NID1: variants seen among roughly 807,000 people sequenced by gnomAD.
The protein encoded by NID1 is nidogen-1.
NID1 carries 76 observed loss-of-function variants against 130.6 expected under a neutral mutation model. The ratio of observed to expected loss-of-function variants is 0.58; its 90% confidence interval spans 0.48 to 0.70. The LOEUF is 0.70. Among genes scored for constraint, NID1 ranks in the 30% least tolerant of loss-of-function variants. NID1 has a pLI of 0.00. For missense variants in NID1, 1,517 were observed against 1,664.8 expected (o/e 0.91, Z 1.54); for synonymous variants, 665 against 675.1 (o/e 0.98, Z 0.23).
chr1:235,998,078 C>T (rs1396265987), intron 12 of NID1, among the ~76,000 whole-genome samples: 1 of 152,140 alleles, frequency 6.6e-6, no homozygotes, highest in East Asian at 1.9e-4. Flanking sequence ...GAGCTCTGCA[C>T]CCAGATGTTC....
intron 16 of NID1, 80 bp downstream of exon 16, chr1:235,981,531 G>T: frequency 6.8e-7 from 1 of 1,462,368 alleles, no homozygotes; most frequent in Non-Finnish European, 9.3e-7. Flanking sequence ...CAATGCTGGA[G>T]TTAAAGCCTC....
At chr1:235,984,124 T>C (rs1657510178) in intron 15 of NID1, among the ~76,000 whole-genome samples, 1 of 152,242 alleles carries the variant, frequency 6.6e-6, no homozygotes, top group African/African-American at 2.4e-5. Context: ...TGGATGGTTA[T>C]GAGCTCCAAA....
At position 235,980,001 on chromosome 1, in the gene NID1, G is replaced by A; in HGVS notation, c.3386-56C>T. On this transcript the variant is annotated intron_variant, in intron 17 of 19. Coordinates refer to ENST00000264187, the MANE Select transcript of NID1 (RefSeq NM_002508.3). ...TTCACACAAGAAATGGCCCCTTTGT[G>A]CAAAAAAAACAAGAGTAATGAGGGC... 7 of 1,558,992 alleles carry A rather than the reference G, an allele frequency of 4.5e-6. No homozygotes were observed. In the South Asian group the frequency reaches 7.0e-5, roughly 16 times the overall value.
At position 236,064,866 on chromosome 1, in the gene NID1, C is replaced by T; in HGVS notation, c.214G>A (p.Asp72Asn). ...ALRFYDRSDI[D>N]AVYVTTNGII... ...CGGGGCTCACTCACGTAGACTGCGT[C>T]GATGTCGGATCTGTCGTAGAAGCGG... The change falls in exon 1 of 20, where the codon GAC becomes AAC. Residue 72 changes from aspartate (D) to asparagine (N), a missense_variant. Transcript: ENST00000264187. 1.2e-6 allele frequency: 2 copies of T among 1,611,594 alleles called. No homozygotes were observed. Among genetic ancestry groups the T allele is most frequent in the Non-Finnish European group, 1.7e-6 (2 of 1,179,196 alleles).
At chr1:235,986,249 A>T (rs1282827839) in intron 14 of NID1, among the ~76,000 whole-genome samples, 3 of 152,344 alleles carry the variant, frequency 2.0e-5, no homozygotes, top group Admixed American at 6.5e-5. Flanking sequence ...ATACATATTG[A>T]AGAAGTAAAA....
chr1:236,039,717 C>CAA (rs1304166423), intron 4 of NID1, among the ~76,000 whole-genome samples: 8 of 152,102 alleles, frequency 5.3e-5, no homozygotes, highest in African/African-American at 1.9e-4. Context: ...AAGAGAAAAG[C>CAA]AAAGTTTAAA....
chr1:235,976,511 T>C lies in NID1; in HGVS notation c.*1356A>G, dbSNP rs1572571761. ...TTTTGTGATACTTTTCATTGAATCATCTCGACTCCTTTATCCCATCCTTTA... is the reference window on the plus strand; with the variant it reads ...TTTTGTGATACTTTTCATTGAATCACCTCGACTCCTTTATCCCATCCTTTA... On this transcript the variant is annotated 3_prime_UTR_variant, in exon 20 of 20. Transcript: ENST00000264187. 6.6e-6 allele frequency: 1 copy of C among 152,202 alleles called. No homozygotes were observed. 9.4% of individuals were successfully genotyped at this position (152,202 alleles called of 1,614,324 possible). A position where few individuals can be genotyped will look rare whatever the true frequency, so the allele number is the denominator to read the frequency against.
chr1:236,030,665 G>T (rs60979940), intron 6 of NID1, among the ~76,000 whole-genome samples: 2 of 152,152 alleles, frequency 1.3e-5, no homozygotes, highest in Non-Finnish European at 1.5e-5. Flanking sequence ...ATTAGGCATA[G>T]CTTTAAATAT....
At chr1:235,996,501 G>A (rs1174991901) in intron 12 of NID1, among the ~76,000 whole-genome samples, 1 of 151,928 alleles carries the variant, frequency 6.6e-6, no homozygotes, top group Non-Finnish European at 1.5e-5. Flanking sequence ...GGAGTGCAGT[G>A]GTGCAATCTC....
chr1:236,040,024 A>T (rs1171922434), intron 4 of NID1, among the ~76,000 whole-genome samples: 1 of 152,316 alleles, frequency 6.6e-6, no homozygotes, highest in East Asian at 1.9e-4. Flanking sequence ...ATCTGCGTTC[A>T]AATCTAGGCT....
chr1:236,034,480 C>G (rs565750213), intron 5 of NID1, among the ~76,000 whole-genome samples: 1 of 150,754 alleles, frequency 6.6e-6, no homozygotes, highest in South Asian at 2.1e-4. Flanking sequence ...CTGATATGGG[C>G]TAAAACAGGC....
chr1:235,983,927 T>A (rs916426727), intron 15 of NID1, among the ~76,000 whole-genome samples: 1 of 151,434 alleles, frequency 6.6e-6, no homozygotes, highest in Non-Finnish European at 1.5e-5. Context: ...TCTCACTCAC[T>A]AGGGAAGCAC....
intron 1 of NID1, among the ~76,000 whole-genome samples, chr1:236,060,943 G>A (rs139821231): frequency 1.4e-4 from 22 of 152,202 alleles, no homozygotes; most frequent in African/African-American, 5.1e-4. Context: ...TTTACCTGTG[G>A]CAATTGGAGC....
At chr1:235,994,065 T>G (rs1392667459) in intron 12 of NID1, among the ~76,000 whole-genome samples, 193 bp from the exon 13 acceptor site, 8 of 152,256 alleles carry the variant, frequency 5.3e-5, no homozygotes, top group Admixed American at 5.2e-4. Context: ...GAAAATGATA[T>G]TTACATCTCC....
At chr1:236,040,726 C>T (rs1320990067) in intron 4 of NID1, among the ~76,000 whole-genome samples, 1 of 150,640 alleles carries the variant, frequency 6.6e-6, no homozygotes, top group Non-Finnish European at 1.5e-5. Context: ...GGCAATGGAG[C>T]GATCTCGGCT....
intron 9 of NID1, among the ~76,000 whole-genome samples, chr1:236,020,626 G>A (rs761366582): frequency 6.6e-6 from 1 of 152,102 alleles, no homozygotes; most frequent in Non-Finnish European, 1.5e-5. Flanking sequence ...CATCATATCA[G>A]CGCTGCACAC....
chr1:236,053,418 G>A (rs951931688), intron 1 of NID1, among the ~76,000 whole-genome samples: 2 of 152,064 alleles, frequency 1.3e-5, no homozygotes, highest in African/African-American at 4.8e-5. Context: ...ACTGTATATG[G>A]CACTTTCTCC....
intron 5 of NID1, 70 bp downstream of exon 5, chr1:236,038,034 A>G: frequency 6.6e-7 from 1 of 1,526,300 alleles, no homozygotes; most frequent in African/African-American, 1.4e-5. Context: ...GCAACATGGA[A>G]AACGAGCACC....
chr1:236,027,666 T>C (rs1405333830), intron 7 of NID1, among the ~76,000 whole-genome samples: 2 of 152,092 alleles, frequency 1.3e-5, no homozygotes, highest in Non-Finnish European at 2.9e-5. Context: ...CTGTCTCTAC[T>C]AAAAATACAA....
Sources: gnomAD v4.1 joint callset for allele counts (sites outside exome capture counted in the v4.1 genomes callset) on GRCh38, gnomAD v4.1.1 for gene constraint, MANE v1.5 for transcripts, NCBI Gene and HGNC (gene_info 2026-07-23, HGNC 2026-07-21) for gene names.